Variants in NPHP4 observed in about 807,000 individuals in gnomAD.
The protein encoded by NPHP4 is nephrocystin 4.
In NPHP4, 151 loss-of-function variants were observed where a neutral mutation model predicts 155.8. The observed-to-expected ratio is 0.97, with a 90% CI of 0.85 to 1.11. NPHP4 has a LOEUF of 1.11. Among genes scored for constraint, NPHP4 ranks in the 50% least tolerant of loss-of-function variants. The probability of loss-of-function intolerance (pLI) is 0.00; values close to 1 mark genes in which losing one functional copy is unlikely to be tolerated. For synonymous variants in NPHP4, 845 were observed against 816.8 expected (o/e 1.03, Z -0.59); for missense variants, 1,956 against 1,925.7 (o/e 1.02, Z -0.29).
chr1:5,883,240 G>A (rs994894422), intron 18 of NPHP4, among the ~76,000 whole-genome samples: 4 of 152,140 alleles, frequency 2.6e-5, no homozygotes, highest in African/African-American at 9.7e-5. Flanking sequence ...CCAGAGCTGC[G>A]GGCACCAGCA....
intron 16 of NPHP4, 102 bp downstream of exon 16, chr1:5,904,515 G>T: frequency 1.1e-6 from 1 of 903,376 alleles, no homozygotes; most frequent in Non-Finnish European, 1.6e-6. Context: ...TGTTGCATAT[G>T]TTTTAAACTT....
intron 6 of NPHP4, among the ~76,000 whole-genome samples, chr1:5,955,180 G>C (rs184635148): frequency 6.6e-6 from 1 of 152,274 alleles, no homozygotes; most frequent in African/African-American, 2.4e-5. Context: ...ACCACAATGA[G>C]ATACCACCTC....
rs1469447478 is a variant in NPHP4, at chr1:5,957,119, C to T, written c.674-4283G>A. ...CCCCCACTGCAGCAGAGGCGTTCTG[C>T]CCTTCATGCTCTGTAGCTTGGCCTA... On this transcript the variant is annotated intron_variant, in intron 6 of 29. Coordinates refer to ENST00000378156, the MANE Select transcript of NPHP4 (RefSeq NM_015102.5). Among the ~76,000 whole-genome samples, 6 of 152,338 alleles carry T rather than the reference C, an allele frequency of 3.9e-5. No homozygotes were observed. In the East Asian group the frequency reaches 9.6e-4, roughly 24 times the overall value.
At chr1:5,876,981 A>G in intron 20 of NPHP4, 112 bp downstream of exon 20, 1 of 738,376 alleles carries the variant, frequency 1.4e-6, no homozygotes, top group Non-Finnish European at 1.9e-6. Context: ...TTCTGTCCCC[A>G]GGATTTGGGA....
In NPHP4 at chr1:5,910,146, C is replaced by A. The variant is rs1645108571; in HGVS notation, c.1442-933G>T. On this transcript the variant is annotated intron_variant, in intron 11 of 29. Transcript: ENST00000378156. This position sits in a 1 kb window ranked among gnomAD's most constrained non-coding sequence, Gnocchi z 5.4. ...TTGCCTTTGCCCACCATGAAACCACCAAGCCAGACCCCAAGCCCATCCTGA... is the reference window on the plus strand; with the variant it reads ...TTGCCTTTGCCCACCATGAAACCACAAAGCCAGACCCCAAGCCCATCCTGA... Among the ~76,000 whole-genome samples the A allele has an allele frequency of 6.6e-6, 1 of 152,180 alleles. No individual in the cohort carries two copies. Among genetic ancestry groups the A allele is most frequent in the Non-Finnish European group, 1.5e-5 (1 of 68,032 alleles).
At chr1:5,977,476 G>A (rs1653818625) in intron 3 of NPHP4, among the ~76,000 whole-genome samples, 3 of 152,020 alleles carry the variant, frequency 2.0e-5, no homozygotes, top group Admixed American at 6.6e-5. Context: ...TGGTCTCCAC[G>A]TTCTCCTATC....
rs775526590 is a variant in NPHP4 at position 5,874,610 on chromosome 1, C to G, written c.3092G>C (p.Gly1031Ala). ...GTCCTCCTCCACCGGTGTGTGCAGG[C>G]CAGCAGCACCCTTGAAGTCCCTCCA... ...QEWRDFKGAA[G>A]LHTPVEEDMF... Residue 1031 changes from glycine (G) to alanine (A), a missense_variant, in exon 22 of 30, where the codon GGC becomes GCC. Coordinates refer to ENST00000378156, the MANE Select transcript of NPHP4 (RefSeq NM_015102.5). 58 of 1,611,894 alleles carry G rather than the reference C, an allele frequency of 3.6e-5. No homozygotes were observed. Among genetic ancestry groups the G allele is most frequent in the Non-Finnish European group, 2.5e-6 (3 of 1,179,488 alleles).
chr1:5,979,039 G>A (rs1457618935), intron 2 of NPHP4, among the ~76,000 whole-genome samples: 2 of 148,462 alleles, frequency 1.3e-5, no homozygotes, highest in African/African-American at 2.6e-5. Context: ...AGACAGGCAG[G>A]ACCCTGCCCA....
At position 5,888,569 on chromosome 1, in the gene NPHP4, G is replaced by A. The variant is rs763810425; in HGVS notation, c.2305-1103C>T. 4.4e-6 allele frequency: 6 copies of A among 1,351,222 alleles called. No individual in the cohort carries two copies. The Admixed American group carries it at 9.5e-5, about 21-fold the overall frequency. 83.7% of individuals were successfully genotyped at this position (1,351,222 alleles called of 1,614,324 possible). A position where few individuals can be genotyped will look rare whatever the true frequency, so the allele number is the denominator to read the frequency against. On this transcript the variant is annotated intron_variant, in intron 17 of 29. Transcript: ENST00000378156. ...CACTGCATAGACATCGATGATTCCG[G>A]AACCTCAGTCACTGGGAGACTGAGA...
In NPHP4 at chr1:5,883,346, G is replaced by A. The variant is rs189406961; in HGVS notation, c.2486-3107C>T. 6.9e-4 allele frequency among the ~76,000 whole-genome samples: 105 copies of A among 151,974 alleles called. 2 individuals are homozygous for A. The East Asian group carries it at 0.014, about 20-fold the overall frequency. On this transcript the variant is annotated intron_variant, in intron 18 of 29. Coordinates refer to ENST00000378156, the MANE Select transcript of NPHP4 (RefSeq NM_015102.5). ...CGGGCCACGCTGCCCTCCACATGAC[G>A]AGGAGAAAGTGCCACCGATGTTCAC...
At position 5,952,724 on chromosome 1, in the gene NPHP4, G is replaced by A; in HGVS notation, c.786C>T (p.Leu262=). 1 of 1,558,208 alleles carries A rather than the reference G, an allele frequency of 6.4e-7. No homozygotes were observed. The highest frequency in any genetic ancestry group is 8.7e-7 in the Non-Finnish European group (1 of 1,151,018). The change falls in exon 7 of 30, where the codon CTC becomes CTT. Residue 262 remains leucine (L), a synonymous_variant. Coordinates refer to ENST00000378156, the MANE Select transcript of NPHP4 (RefSeq NM_015102.5). The part of the protein sequence containing the change: ...LEKFEEELLE[L]HVQDHFQEGC... The stretch of plus-strand genomic sequence containing the variant: ...CCTCCTGGAAGTGGTCCTGGACGTG[G>A]AGCTCCAGCAGCTCTTCCTCAAACT...
chr1:5,930,511 T>C (rs1395439883), intron 10 of NPHP4, among the ~76,000 whole-genome samples: 1 of 152,230 alleles, frequency 6.6e-6, no homozygotes, highest in African/African-American at 2.4e-5. Context: ...ATATCTTCTA[T>C]TTTCCCTTGA....
chr1:5,890,810 G>A lies in NPHP4; in HGVS notation c.2304+58C>T. The A allele has an allele frequency of 5.2e-6, 8 of 1,535,020 alleles. No homozygotes were observed. Among genetic ancestry groups the A allele is most frequent in the Non-Finnish European group, 7.1e-6 (8 of 1,122,652 alleles). ...CCAAGCAGACAGACGCTGGAAGCGT[G>A]ACTCGTCCCATGAGGGACGCAGCAC... On this transcript the variant is annotated intron_variant, in intron 17 of 29. Coordinates refer to ENST00000378156, the MANE Select transcript of NPHP4 (RefSeq NM_015102.5). The surrounding 1 kb of genome is among the most constrained non-coding windows in gnomAD (Gnocchi z 4.9).
intron 7 of NPHP4, 35 bp downstream of exon 7, chr1:5,952,665 C>A (rs1648373310): frequency 1.3e-6 from 2 of 1,512,130 alleles, no homozygotes. Context: ...CTGCCTGGCC[C>A]CACCCTGCCC....
chr1:5,983,971 T>G (rs371497871), intron 2 of NPHP4, among the ~76,000 whole-genome samples: 11 of 150,544 alleles, frequency 7.3e-5, no homozygotes, highest in Middle Eastern at 3.4e-3. Context: ...TTAAATAACT[T>G]TTAACATACG....
intron 16 of NPHP4, among the ~76,000 whole-genome samples, chr1:5,896,875 T>G (rs1336938615): frequency 5.9e-5 from 9 of 151,936 alleles, no homozygotes; most frequent in Non-Finnish European, 1.3e-4. Flanking sequence ...TCAGAGCCGG[T>G]GAAAGGCCGG....
In NPHP4 at chr1:5,910,491, T is replaced by A. The variant is rs756096230; in HGVS notation, c.1442-1278A>T. On this transcript the variant is annotated intron_variant, in intron 11 of 29. Coordinates refer to ENST00000378156, the MANE Select transcript of NPHP4 (RefSeq NM_015102.5). This position sits in a 1 kb window ranked among gnomAD's most constrained non-coding sequence, Gnocchi z 5.4. Reference sequence around the variant, plus strand: ...CCCTCTCCTGTGGCCTCTGCTGCCATGAAGGTTGGGCAAACGAATCTCCTA... The same window carrying A: ...CCCTCTCCTGTGGCCTCTGCTGCCAAGAAGGTTGGGCAAACGAATCTCCTA... 1.3e-5 allele frequency among the ~76,000 whole-genome samples: 2 copies of A among 152,086 alleles called. No individual in the cohort carries two copies. Among genetic ancestry groups the A allele is most frequent in the Admixed American group, 6.5e-5 (1 of 15,276 alleles).
At chr1:5,964,440 A>G (rs1259335182) in intron 5 of NPHP4, among the ~76,000 whole-genome samples, 2 of 152,214 alleles carry the variant, frequency 1.3e-5, no homozygotes, top group Non-Finnish European at 2.9e-5. Context: ...AGAACAGGTG[A>G]GCCCCAGTTG....
intron 16 of NPHP4, among the ~76,000 whole-genome samples, chr1:5,901,629 G>A (rs1197406500): frequency 1.3e-5 from 2 of 152,198 alleles, no homozygotes; most frequent in South Asian, 4.1e-4. Flanking sequence ...TTCAAGTCAG[G>A]AGCATCTCTA....
Sources: allele counts gnomAD v4.1 joint callset (sites outside exome capture counted in the v4.1 genomes callset), GRCh38; gene constraint gnomAD v4.1.1; non-coding constraint Gnocchi (gnomAD v3.1); transcripts MANE v1.5; gene names NCBI Gene and HGNC (gene_info 2026-07-23, HGNC 2026-07-21).